UBE2W: variants seen among roughly 807,000 people sequenced by gnomAD.
UBE2W encodes the protein ubiquitin conjugating enzyme E2 W, also known as ubiquitin-conjugating enzyme E2 W.
Under a neutral mutation model 27.2 loss-of-function variants are expected in UBE2W, and 18 were observed. The observed-to-expected ratio is 0.66, with a 90% CI of 0.46 to 0.98. The LOEUF is 0.98. Among genes scored for constraint, UBE2W ranks in the 50% least tolerant of loss-of-function variants. The pLI is 0.00. For synonymous variants in UBE2W, 53 were observed against 57.2 expected (o/e 0.93, Z 0.33); for missense variants, 90 against 180.2 (o/e 0.50, Z 2.87).
chr8:73,812,225 A>T (rs1200808734), intron 3 of UBE2W, among the ~76,000 whole-genome samples: 1 of 151,138 alleles, frequency 6.6e-6, no homozygotes, highest in African/African-American at 2.4e-5. Flanking sequence ...CACTAATAAA[A>T]AAAAAAAAAA....
chr8:73,817,314 C>T (rs760075002), intron 3 of UBE2W, among the ~76,000 whole-genome samples: 4 of 151,906 alleles, frequency 2.6e-5, no homozygotes, highest in Admixed American at 6.6e-5. Flanking sequence ...GGTGACAGGG[C>T]GCAACTCCAT....
intron 3 of UBE2W, among the ~76,000 whole-genome samples, chr8:73,812,159 A>G (rs906290217): frequency 5.3e-5 from 8 of 151,634 alleles, no homozygotes; most frequent in Admixed American, 5.3e-4. Flanking sequence ...ACGATTTTCC[A>G]TACTTGCATC....
intron 1 of UBE2W, chr8:73,831,440 A>C (rs1218971696): frequency 6.4e-6 from 1 of 157,184 alleles, no homozygotes; most frequent in African/African-American, 2.4e-5. Context: ...CTCAACAAAA[A>C]GATCCTGGAA....
chr8:73,831,211 T>C, intron 1 of UBE2W: 1 of 432,142 alleles, frequency 2.3e-6, no homozygotes, highest in Non-Finnish European at 4.2e-6. Flanking sequence ...GAGAATCTGC[T>C]GGAAGACCTA....
At position 73,834,140 on chromosome 8, in the gene UBE2W, TG is replaced by T. The variant is rs1420171996; in HGVS notation, c.16-3669del. 8.5e-5 allele frequency: 13 copies of T among 152,356 alleles called. 1 individual carries two copies. The highest frequency in any genetic ancestry group is 3.1e-4 in the African/African-American group (13 of 41,580). The allele number at this position is 152,356 out of a possible 1,614,324, so 9.4% of individuals were successfully genotyped here. A position where few individuals can be genotyped will look rare whatever the true frequency, so the allele number is the denominator to read the frequency against. ...ATTGGTTTCTGTTTTTTCTGGACAA[TG>T]AAATATTACTATCAGTAAGTAATGT... On this transcript the variant is annotated intron_variant, in intron 1 of 5. Transcript: ENST00000602593.
chr8:73,867,713 GA>G (rs71269960), intron 1 of UBE2W, among the ~76,000 whole-genome samples: 108,268 of 128,736 alleles, frequency 0.84, 45,296 homozygotes, highest in South Asian at 0.92. Flanking sequence ...CTCTGTCTCA[GA>G]AAAAAAAAAA....
chr8:73,814,902 GA>G, intron 3 of UBE2W, among the ~76,000 whole-genome samples: 2 of 152,318 alleles, frequency 1.3e-5, no homozygotes, highest in East Asian at 3.9e-4. Flanking sequence ...AGAGCTAAGA[GA>G]GAAATAATTA....
rs1340647711 is a variant in UBE2W at position 73,792,561 on chromosome 8, C to T, written c.*1541G>A. ...GTTTTACTGGGGTACGTATTTCAAA[C>T]CTTTCAGCCAACTGGCTTTCAGTTT... On this transcript the variant is annotated 3_prime_UTR_variant, in exon 6 of 6. Transcript: ENST00000602593. The T allele has an allele frequency of 3.0e-6, 3 of 985,532 alleles. No individual in the cohort carries two copies. The highest frequency in any genetic ancestry group is 9.4e-5 in the South Asian group (2 of 21,290). The allele number at this position is 985,532 out of a possible 1,614,324, so 61.0% of individuals were successfully genotyped here.
Position 73,793,934 on chromosome 8 carries a change from G to A in UBE2W, c.*168C>T, listed in dbSNP as rs1338172296. 20 of 1,444,018 alleles carry A rather than the reference G, an allele frequency of 1.4e-5. No homozygotes were observed. Among genetic ancestry groups the A allele is most frequent in the African/African-American group, 2.9e-5 (2 of 69,642 alleles). 89.5% of individuals were successfully genotyped at this position (1,444,018 alleles called of 1,614,324 possible). ...TGTCAGTTGCCTGGACTGAACCAGC[G>A]ATCAACATGCGCCCAGAATGCACAC... On this transcript the variant is annotated 3_prime_UTR_variant, in exon 6 of 6. Coordinates refer to ENST00000602593, the MANE Select transcript of UBE2W (RefSeq NM_018299.6).
chr8:73,855,930 CTTT>C (rs1811279718), intron 1 of UBE2W, among the ~76,000 whole-genome samples: 1 of 151,906 alleles, frequency 6.6e-6, no homozygotes. Flanking sequence ...TATTGAGAGT[CTTT>C]TTACATATTG....
chr8:73,859,382 TG>T (rs1487487742), intron 1 of UBE2W, among the ~76,000 whole-genome samples: 6 of 152,174 alleles, frequency 3.9e-5, no homozygotes, highest in African/African-American at 1.4e-4. Context: ...GGCGCGAGCC[TG>T]TAATCCCAGC....
chr8:73,840,803 C>A (rs543962724), intron 1 of UBE2W, among the ~76,000 whole-genome samples: 1 of 152,250 alleles, frequency 6.6e-6, no homozygotes, highest in African/African-American at 2.4e-5. Flanking sequence ...AATGGACACA[C>A]AGAGTTCAAA....
intron 1 of UBE2W, among the ~76,000 whole-genome samples, chr8:73,874,176 A>G (rs1442696785): frequency 6.6e-6 from 1 of 152,230 alleles, no homozygotes; most frequent in Non-Finnish European, 1.5e-5. Context: ...TGACGCCTGT[A>G]ATCCCAGCAC....
intron 1 of UBE2W, among the ~76,000 whole-genome samples, chr8:73,844,586 G>A (rs1810690960): frequency 6.6e-6 from 1 of 151,710 alleles, no homozygotes; most frequent in African/African-American, 2.4e-5. Flanking sequence ...AGGAAGTGAG[G>A]AGCGTCTCTG....
intron 1 of UBE2W, among the ~76,000 whole-genome samples, chr8:73,842,528 CAAAAAA>C (rs759063478): frequency 6.8e-3 from 66 of 9,636 alleles, no homozygotes; most frequent in African/African-American, 0.018. Flanking sequence ...GACTCCGTCT[CAAAAAA>C]AAAAAAAAAA....
intron 1 of UBE2W, among the ~76,000 whole-genome samples, chr8:73,866,290 A>AAAAAATATATATAT (rs1248216873): frequency 2.3e-5 from 1 of 43,092 alleles, no homozygotes; most frequent in African/African-American, 9.9e-5. Flanking sequence ...AAAAAAAAAA[A>AAAAAATATATATAT]ATATATATAT....
At chr8:73,871,128 T>G (rs1811994642) in intron 1 of UBE2W, among the ~76,000 whole-genome samples, 2 of 152,342 alleles carry the variant, frequency 1.3e-5, no homozygotes, top group Non-Finnish European at 2.9e-5. Context: ...AAAACCAGTA[T>G]GACACTGCTA....
chr8:73,805,472 C>CAAAAAAACAAAAACAAAAAA (rs1808855322), intron 5 of UBE2W, among the ~76,000 whole-genome samples, 179 bp downstream of exon 5: 8 of 43,676 alleles, frequency 1.8e-4, no homozygotes, highest in African/African-American at 4.8e-4. Context: ...AAAAAAAAAA[C>CAAAAAAACAAAAACAAAAAA]AAAAAAAACT....
At chr8:73,808,826 C>T (rs1378787193) in intron 4 of UBE2W, among the ~76,000 whole-genome samples, 1 of 152,076 alleles carries the variant, frequency 6.6e-6, no homozygotes, top group African/African-American at 2.4e-5. Context: ...ACACTAGTAG[C>T]AGACAACTAG....
Sources: allele counts gnomAD v4.1 joint callset (sites outside exome capture counted in the v4.1 genomes callset), GRCh38; gene constraint gnomAD v4.1.1; transcripts MANE v1.5; gene names NCBI Gene and HGNC (gene_info 2026-07-23, HGNC 2026-07-21).